CCNY: variants seen among roughly 807,000 people sequenced by gnomAD.
CCNY encodes the protein cyclin-Y.
CCNY carries 19 observed loss-of-function variants against 42.8 expected under a neutral mutation model. The observed-to-expected ratio is 0.44, with a 90% CI of 0.31 to 0.65. The LOEUF is 0.65. CCNY is among the 30% of genes least tolerant of loss of function. The pLI is 0.07. For synonymous variants in CCNY, 165 were observed against 162.7 expected, an observed-to-expected ratio of 1.01 and a Z score of -0.11; for missense variants, 370 against 437.3, an observed-to-expected ratio of 0.85 and a Z score of 1.37.
intron 1 of CCNY, among the ~76,000 whole-genome samples, chr10:35,462,409 C>G (rs1248524880): frequency 1.3e-5 from 2 of 152,214 alleles, no homozygotes; most frequent in Non-Finnish European, 2.9e-5. Context: ...CATCTTCACC[C>G]TCATCTCACC....
chr10:35,269,005 C>T (rs73264611), intron 3 of CCNY, among the ~76,000 whole-genome samples: 23,109 of 152,234 alleles, frequency 0.15, 3,876 homozygotes, highest in African/African-American at 0.42. Context: ...TCTTCATGAA[C>T]AGCATCTGGC....
At chr10:35,335,924 A>ACACACACC (rs1374911553), upstream of CCNY, 14 of 70,314 alleles carry the variant, frequency 2.0e-4, no homozygotes, top group African/African-American at 7.7e-4. Context: ...ACACACACAC[A>ACACACACC]CACCTTAGCC....
chr10:35,463,528 T>C (rs1035259670), intron 1 of CCNY, among the ~76,000 whole-genome samples: 2 of 152,154 alleles, frequency 1.3e-5, no homozygotes, highest in Admixed American at 6.5e-5. Context: ...TAATAAATAG[T>C]GAAACTCTGG....
intron 3 of CCNY, among the ~76,000 whole-genome samples, chr10:35,290,222 T>TCACACACACA (rs368209050): frequency 0.093 from 11,355 of 122,730 alleles, 665 homozygotes; most frequent in African/African-American, 0.15. Flanking sequence ...CAAGACTCCA[T>TCACACACACA]CACACACACA....
chr10:35,424,695 T>TC (rs570511799), intron 1 of CCNY, among the ~76,000 whole-genome samples: 162 of 152,316 alleles, frequency 1.1e-3, no homozygotes, highest in Admixed American at 4.2e-3. Context: ...CATAGCCTGA[T>TC]CAGAGCCTAG....
intron 1 of CCNY, among the ~76,000 whole-genome samples, chr10:35,382,183 C>T (rs188713304): frequency 7.2e-5 from 11 of 152,242 alleles, no homozygotes; most frequent in Middle Eastern, 3.4e-3. Context: ...CAACTGGAAC[C>T]GTTAGGATAG....
chr10:35,486,000 C>T (rs1351627494), intron 2 of CCNY, among the ~76,000 whole-genome samples: 1 of 152,118 alleles, frequency 6.6e-6, no homozygotes, highest in Non-Finnish European at 1.5e-5. Context: ...CGTGTCTAAC[C>T]ATATTTTTCT....
intron 3 of CCNY, among the ~76,000 whole-genome samples, chr10:35,516,288 C>G (rs989064503): frequency 6.6e-6 from 1 of 152,088 alleles, no homozygotes; most frequent in African/African-American, 2.4e-5. Context: ...TACTGTTCTC[C>G]TGATGCAGGA....
chr10:35,310,022 G>C (rs941951883), intron 3 of CCNY, among the ~76,000 whole-genome samples: 1 of 151,764 alleles, frequency 6.6e-6, no homozygotes, highest in Non-Finnish European at 1.5e-5. Context: ...GGATGGTCTC[G>C]ATCTCCTGAC....
chr10:35,337,237 G>T, intron 1 of CCNY, 30 bp downstream of exon 1: 2 of 1,468,520 alleles, frequency 1.4e-6, no homozygotes, highest in African/African-American at 1.4e-5. Flanking sequence ...CCCCCTACCC[G>T]CCCCCGCGGC....
At chr10:35,399,596 A>G (rs1837599672) in intron 1 of CCNY, among the ~76,000 whole-genome samples, 1 of 152,154 alleles carries the variant, frequency 6.6e-6, no homozygotes, top group Non-Finnish European at 1.5e-5. Context: ...TAATCCCAAC[A>G]CTTGGGAGGC....
chr10:35,356,350 A>T (rs542162157), intron 1 of CCNY, among the ~76,000 whole-genome samples: 8 of 152,234 alleles, frequency 5.3e-5, no homozygotes, highest in African/African-American at 1.9e-4. Flanking sequence ...ACATCTTAAG[A>T]TGTTGCTTTG....
At chr10:35,382,728 C>T (rs1483764367) in intron 1 of CCNY, among the ~76,000 whole-genome samples, 1 of 152,084 alleles carries the variant, frequency 6.6e-6, no homozygotes, top group Admixed American at 6.5e-5. Flanking sequence ...ACTTGCATGG[C>T]CGGCTTCTTC....
chr10:35,526,230 C>T (rs1225004917), intron 5 of CCNY, among the ~76,000 whole-genome samples: 2 of 152,194 alleles, frequency 1.3e-5, no homozygotes, highest in Non-Finnish European at 2.9e-5. Context: ...ACAGACAAAG[C>T]TTCTCAACGA....
chr10:35,419,827 T>TA (rs1838119641), intron 1 of CCNY, among the ~76,000 whole-genome samples: 1 of 152,060 alleles, frequency 6.6e-6, no homozygotes, highest in Admixed American at 6.6e-5. Context: ...AGGTCATTCA[T>TA]ACAGCATTGT....
intron 1 of CCNY, among the ~76,000 whole-genome samples, chr10:35,466,699 T>G (rs1839276997): frequency 6.6e-6 from 1 of 152,158 alleles, no homozygotes; most frequent in Non-Finnish European, 1.5e-5. Flanking sequence ...AGCAGTAGAG[T>G]GCTCAAAAGG....
intron 1 of CCNY, among the ~76,000 whole-genome samples, chr10:35,437,739 T>C (rs1455007683): frequency 6.6e-6 from 1 of 152,174 alleles, no homozygotes; most frequent in Non-Finnish European, 1.5e-5. Context: ...GTTTTTTTTC[T>C]AGAATTTTAT....
intron 1 of CCNY, among the ~76,000 whole-genome samples, chr10:35,458,329 C>T (rs182739969): frequency 8.1e-4 from 124 of 152,346 alleles, no homozygotes; most frequent in Admixed American, 1.7e-3. Flanking sequence ...CCTGCATCCA[C>T]AGTTTGTTGG....
chr10:35,549,821 C>A (rs55683705), intron 7 of CCNY, among the ~76,000 whole-genome samples: 258 of 22,112 alleles, frequency 0.012, no homozygotes, highest in Admixed American at 0.02. Context: ...TGCTCATGGC[C>A]CATGACCCTA....
Sources: gnomAD v4.1 joint callset for allele counts (sites outside exome capture counted in the v4.1 genomes callset) on GRCh38, gnomAD v4.1.1 for gene constraint, MANE v1.5 for transcripts, NCBI Gene and HGNC (gene_info 2026-07-23, HGNC 2026-07-21) for gene names.